The following SVIL variants were observed in gnomAD, a reference collection of about 807,000 sequenced individuals.
SVIL encodes archvillin.
SVIL carries 101 observed loss-of-function variants against 240.4 expected under a neutral mutation model. The observed-to-expected ratio is 0.42, with a 90% confidence interval of 0.36 to 0.50. The LOEUF is 0.50. Among genes scored for constraint, SVIL ranks in the 20% least tolerant of loss-of-function variants. SVIL has a pLI of 0.01. For synonymous variants in SVIL, 999 were observed against 1,100.0 expected (o/e 0.91, Z 1.82); for missense variants, 2,512 against 2,818.7 (o/e 0.89, Z 2.46).
intron 3 of SVIL, among the ~76,000 whole-genome samples, chr10:29,643,485 T>A (rs1958553795): frequency 6.6e-6 from 1 of 152,202 alleles, no homozygotes; most frequent in African/African-American, 2.4e-5. Context: ...CATGCTGTAG[T>A]CTACTGATAT....
chr10:29,569,418 A>G, intron 1 of SVIL, 106 bp from the exon 2 acceptor site: 1 of 409,678 alleles, frequency 2.4e-6, no homozygotes, highest in Non-Finnish European at 3.3e-6. Flanking sequence ...TTTAAGAAAA[A>G]GAAAACCATT....
At chr10:29,720,127 C>A in intron 1 of SVIL, among the ~76,000 whole-genome samples, 1 of 152,050 alleles carries the variant, frequency 6.6e-6, no homozygotes. Flanking sequence ...AAGACTGAGC[C>A]CAAGAGTTTG....
chr10:29,461,860 A>T (rs1436164213), intron 36 of SVIL, among the ~76,000 whole-genome samples: 3 of 152,184 alleles, frequency 2.0e-5, no homozygotes, highest in Non-Finnish European at 4.4e-5. Flanking sequence ...ATACTAATTC[A>T]TCAGATTTCG....
intron 1 of SVIL, among the ~76,000 whole-genome samples, chr10:29,695,969 C>G (rs1213242959): frequency 6.8e-6 from 1 of 146,372 alleles, no homozygotes; most frequent in African/African-American, 2.5e-5. Context: ...TCTCCCTCTC[C>G]CTCTCCTTTC....
intron 7 of SVIL, 140 bp from the exon 8 acceptor site, chr10:29,533,598 A>T: frequency 7.2e-7 from 1 of 1,387,244 alleles, no homozygotes; most frequent in South Asian, 1.5e-5. Flanking sequence ...TTGGTGTCTA[A>T]TGTCAACTAC....
At chr10:29,611,868 A>G (rs916105877) in intron 1 of SVIL, among the ~76,000 whole-genome samples, 1 of 152,080 alleles carries the variant, frequency 6.6e-6, no homozygotes, top group Non-Finnish European at 1.5e-5. Flanking sequence ...AAGACTGCAG[A>G]TGGGTATTAT....
intron 1 of SVIL, among the ~76,000 whole-genome samples, chr10:29,578,708 G>A (rs1046853833): frequency 4.6e-5 from 7 of 152,166 alleles, no homozygotes; most frequent in African/African-American, 1.2e-4. Context: ...GCACACTTCC[G>A]GGTGCATTTC....
chr10:29,550,719 T>A lies in SVIL; in HGVS notation c.705A>T (p.Arg235=), dbSNP rs1311368811. 1 of 1,614,042 alleles carries A rather than the reference T, an allele frequency of 6.2e-7. No individual in the cohort carries two copies. Among genetic ancestry groups the A allele is most frequent in the Non-Finnish European group, 8.5e-7 (1 of 1,179,994 alleles). The change falls in exon 6 of 38, where the codon CGA becomes CGT. Residue 235 remains arginine (R), a synonymous_variant. Coordinates refer to ENST00000355867, the MANE Select transcript of SVIL (RefSeq NM_021738.3). ...GTGGCACTTCAGTGAAGGAGGAGTC[T>A]CGCCCAGAGAAAGAGAAGGTCGAGG... ...ESSSTFSFSG[R]DSSFTEVPRS...
At chr10:29,710,056 CTTTCT>C (rs1963172428) in intron 1 of SVIL, among the ~76,000 whole-genome samples, 1 of 148,666 alleles carries the variant, frequency 6.7e-6, no homozygotes, top group African/African-American at 2.4e-5. Flanking sequence ...CACTCACATT[CTTTCT>C]TAATTTTTTT....
intron 2 of SVIL, among the ~76,000 whole-genome samples, chr10:29,658,706 T>C (rs1408020303): frequency 3.9e-5 from 6 of 152,162 alleles, no homozygotes; most frequent in Non-Finnish European, 8.8e-5. Flanking sequence ...CAGTGAGCCA[T>C]GTTTGGATCA....
At chr10:29,678,792 C>T (rs1226205971) in intron 2 of SVIL, among the ~76,000 whole-genome samples, 3 of 152,226 alleles carry the variant, frequency 2.0e-5, no homozygotes, top group South Asian at 2.1e-4. Context: ...GCTCCCTTCT[C>T]GTCCATTGCT....
At position 29,467,810 on chromosome 10, in the gene SVIL, G is replaced by A; in HGVS notation, c.5909C>T (p.Ser1970Phe). 5 of 1,614,176 alleles carry A rather than the reference G, an allele frequency of 3.1e-6. No homozygotes were observed. The highest frequency in any genetic ancestry group is 3.4e-6 in the Non-Finnish European group (4 of 1,180,044). ...KVTIHECDEG[S>F]EPLGFWDALG... ...GGCATCCCAGAATCCGAGTGGCTCGGAGCCTTCATCACACTCGTGTATTGT... is the reference window on the plus strand; with the variant it reads ...GGCATCCCAGAATCCGAGTGGCTCGAAGCCTTCATCACACTCGTGTATTGT... The change falls in exon 33 of 38, where the codon TCC becomes TTC. Residue 1970 changes from serine to phenylalanine, a missense_variant. Physicochemically the swap from Ser to Phe is radical, Grantham distance 155. Around this residue, in one of 3 missense-constraint regions of SVIL, gnomAD observed 797 missense variants for 925.3 expected, o/e 0.86. Transcript: ENST00000355867.
At chr10:29,708,257 C>CAA (rs35982600) in intron 1 of SVIL, among the ~76,000 whole-genome samples, 742 of 62,100 alleles carry the variant, frequency 0.012, 25 homozygotes, top group African/African-American at 0.03. Flanking sequence ...GACTCCATCT[C>CAA]AAAAAAAAAA....
In SVIL at chr10:29,544,106, G is replaced by A. The variant is rs368302342; in HGVS notation, c.827+6491C>T. Among the ~76,000 whole-genome samples, 274 of 152,200 alleles carry A rather than the reference G, an allele frequency of 1.8e-3. 9 individuals are homozygous for A. The South Asian group carries it at 0.055, about 31-fold the overall frequency. The stretch of plus-strand genomic sequence containing the variant: ...GCTTTAACTCCCTACAACTCCCAAG[G>A]GTCTACAGACTAAAAAGTGCTTCCT... On this transcript the variant is annotated intron_variant, in intron 6 of 37. Coordinates refer to ENST00000355867, the MANE Select transcript of SVIL (RefSeq NM_021738.3).
rs567468569 is a variant in SVIL at position 29,576,034 on chromosome 10, C to T, written c.-200-6722G>A. 98 of 905,762 alleles carry T rather than the reference C, an allele frequency of 1.1e-4. No homozygotes were observed. In the African/African-American group the frequency reaches 1.7e-3, roughly 15 times the overall value. The allele number at this position is 905,762 out of a possible 1,614,324, so 56.1% of individuals were successfully genotyped here. Reference sequence around the variant, plus strand: ...GCAATTGGGGTATAAATGTGAGTTACAATAATATGTGTTTTCCCATGAAAC... The same window carrying T: ...GCAATTGGGGTATAAATGTGAGTTATAATAATATGTGTTTTCCCATGAAAC... On this transcript the variant is annotated intron_variant, in intron 1 of 37. Transcript: ENST00000355867.
chr10:29,602,276 A>G (rs1172902839), intron 1 of SVIL: 1 of 533,778 alleles, frequency 1.9e-6, no homozygotes, highest in Admixed American at 1.9e-5. Context: ...AGGCATACCA[A>G]GTTCTTAAAG....
chr10:29,631,802 G>A (rs553017050), intron 1 of SVIL, among the ~76,000 whole-genome samples: 166 of 152,146 alleles, frequency 1.1e-3, no homozygotes, highest in Non-Finnish European at 2.0e-3. Context: ...AAAAGATGGC[G>A]AGGCTTAAGA....
chr10:29,727,046 C>T (rs961333095), intron 1 of SVIL, among the ~76,000 whole-genome samples: 13 of 152,340 alleles, frequency 8.5e-5, no homozygotes, highest in African/African-American at 3.1e-4. Context: ...CACACACACA[C>T]CACGTGGTTA....
intron 2 of SVIL, 50 bp from the exon 3 acceptor site, chr10:29,563,342 TAA>T: frequency 1.0e-5 from 9 of 880,140 alleles, no homozygotes; most frequent in African/African-American, 1.8e-5. Context: ...TAAAGATATA[TAA>T]GTGAAAAAAT....
Sources: gnomAD v4.1 joint callset for allele counts (sites outside exome capture counted in the v4.1 genomes callset) on GRCh38, gnomAD v4.1.1 for gene constraint, gnomAD v4.1.1 regional missense constraint, MANE v1.5 for transcripts, NCBI Gene and HGNC (gene_info 2026-07-23, HGNC 2026-07-21) for gene names.